MCM3AP: variants seen among roughly 807,000 people sequenced by gnomAD.
The protein encoded by MCM3AP is germinal-center associated nuclear protein.
In MCM3AP, 126 loss-of-function variants were observed where a neutral mutation model predicts 184.1. The observed-to-expected ratio is 0.68, with a 90% CI of 0.59 to 0.79. The LOEUF is 0.79. Among genes scored for constraint, MCM3AP ranks in the 30% least tolerant of loss-of-function variants. MCM3AP has a pLI of 0.00. For synonymous variants in MCM3AP, 1,002 were observed against 979.3 expected (o/e 1.02, Z -0.43); for missense variants, 2,496 against 2,479.2 (o/e 1.01, Z -0.14).
At chr21:46,263,520 A>C (rs537764072) in intron 13 of MCM3AP, among the ~76,000 whole-genome samples, 27 of 151,936 alleles carry the variant, frequency 1.8e-4, no homozygotes, top group South Asian at 1.7e-3. Context: ...GCAGTGGCTC[A>C]TGCCTGTAAT....
chr21:46,266,825 A>T (rs1365335403), intron 10 of MCM3AP, 157 bp downstream of exon 10: 2 of 756,918 alleles, frequency 2.6e-6, no homozygotes, highest in Non-Finnish European at 4.2e-6. Context: ...GACCTTGGGA[A>T]CACCCCCAGC....
chr21:46,257,659 G>A (rs938441079), intron 16 of MCM3AP, among the ~76,000 whole-genome samples: 1 of 151,826 alleles, frequency 6.6e-6, no homozygotes, highest in African/African-American at 2.4e-5. Context: ...GGTGGCTCAC[G>A]CCTGTAATCC....
At chr21:46,260,257 C>A (rs1238056270) in intron 15 of MCM3AP, among the ~76,000 whole-genome samples, 2 of 152,146 alleles carry the variant, frequency 1.3e-5, no homozygotes, top group East Asian at 1.9e-4. Flanking sequence ...AGAAATAAAC[C>A]TTTATCTTAA....
At chr21:46,261,458 G>C (rs2081040306) in intron 13 of MCM3AP, 47 bp from the exon 14 acceptor site, 6 of 1,596,118 alleles carry the variant, frequency 3.8e-6, no homozygotes, top group Non-Finnish European at 5.1e-6. Flanking sequence ...GTCAAGGCCG[G>C]GTGCGGTGGC....
Position 46,256,832 on chromosome 21 carries a change from G to A in MCM3AP, c.3889C>T (p.Leu1297=), listed in dbSNP as rs780180647. Residue 1297 remains leucine, a synonymous_variant, in exon 17 of 28, where the codon CTG becomes TTG. Transcript: ENST00000291688. ...AATCTCCCTGCATGGCCCAGGTCCA[G>A]GAGGCCCCTGGCCAGGTTCTCTTCA... ...IAEENLARGL[L]DLGHAGRLGI... is the part of the protein sequence containing the mutation. 2.6e-6 allele frequency: 4 copies of A among 1,567,212 alleles called. No homozygotes were observed. The Admixed American group carries it at 7.6e-5, about 30-fold the overall frequency.
chr21:46,240,998 G>A lies in MCM3AP; in HGVS notation c.5446C>T (p.His1816Tyr). The change falls in exon 26 of 28, where the codon CAT becomes TAT. Residue 1816 changes from histidine (H) to tyrosine (Y), a missense_variant. Around this residue, in one of 5 missense-constraint regions of MCM3AP, gnomAD observed 1,323 missense variants for 1,273.4 expected, o/e 1.04. Transcript: ENST00000291688. The stretch of plus-strand genomic sequence containing the variant: ...ATGGGAAAATTGTTTGCAGAAGGAT[G>A]AAAAGGCTTTATTGCCAAACTGTAA... ...REGRLAIKPF[H>Y]PSANNFPIPL... The A allele has an allele frequency of 6.2e-7, 1 of 1,613,464 alleles. No individual in the cohort carries two copies. Among genetic ancestry groups the A allele is most frequent in the Non-Finnish European group, 8.5e-7 (1 of 1,179,770 alleles).
chr21:46,239,901 A>T (rs1248894552), intron 26 of MCM3AP, among the ~76,000 whole-genome samples: 1 of 152,138 alleles, frequency 6.6e-6, no homozygotes, highest in African/African-American at 2.4e-5. Context: ...GGATGCTACC[A>T]AGGACTGGGA....
chr21:46,257,752 C>T (rs2080978943), intron 16 of MCM3AP, among the ~76,000 whole-genome samples: 1 of 151,806 alleles, frequency 6.6e-6, no homozygotes, highest in South Asian at 2.1e-4. Context: ...AACCCCATCT[C>T]TACTAAAAAT....
At chr21:46,260,984 C>T (rs537478996) in intron 14 of MCM3AP, 78 bp from the exon 15 acceptor site, 15 of 1,179,598 alleles carry the variant, frequency 1.3e-5, no homozygotes, top group African/African-American at 4.5e-5. Context: ...TCCCTGGCCA[C>T]GCAGACAGGG....
chr21:46,243,045 G>A lies in MCM3AP; in HGVS notation c.5297-114C>T, dbSNP rs17183283. 0.048 allele frequency: 46,137 copies of A among 962,146 alleles called. 1,796 individuals are homozygous for A. The highest frequency in any genetic ancestry group is 0.15 in the African/African-American group (8,928 of 60,140). The allele number at this position is 962,146 out of a possible 1,614,324, so 59.6% of individuals were successfully genotyped here. On this transcript the variant is annotated intron_variant, in intron 24 of 27. Transcript: ENST00000291688. ...CAGGTACAAATAATATTTAAACAGC[G>A]ACAGGTGGCATGTGCTTAAATTCAC...
intron 12 of MCM3AP, 52 bp downstream of exon 12, chr21:46,265,269 T>C (rs2145676395): frequency 2.6e-6 from 4 of 1,557,248 alleles, no homozygotes; most frequent in Non-Finnish European, 3.5e-6. Flanking sequence ...CTAAGGACGT[T>C]TGCGCACAAT....
intron 9 of MCM3AP, among the ~76,000 whole-genome samples, chr21:46,269,160 C>T (rs1358267577): frequency 6.6e-6 from 1 of 152,032 alleles, no homozygotes. Context: ...CCTCTGTTGC[C>T]CAGGCTGGAG....
At chr21:46,254,310 G>C in intron 19 of MCM3AP, 82 bp downstream of exon 19, 1 of 1,493,854 alleles carries the variant, frequency 6.7e-7, no homozygotes, top group Non-Finnish European at 9.3e-7. Flanking sequence ...TCACACATAA[G>C]AGGAATACCC....
intron 26 of MCM3AP, 105 bp downstream of exon 26, chr21:46,240,701 ACCTGC>A (rs943434508): frequency 1.4e-5 from 13 of 942,432 alleles, no homozygotes; most frequent in South Asian, 1.1e-4. Context: ...CTAATAATCC[ACCTGC>A]CCTTCTCCAT....
rs1230841763 is a variant in MCM3AP at position 46,280,045 on chromosome 21, G to A, written c.1615C>T (p.Pro539Ser). ...GTCCTCCCTGCGGCCTTGCCAAGAG[G>A]AGAGTGCTGAAAGGGTGCATCCTCT... Reference protein sequence around the residue: ...STEDAPFQHSPLGKAAGRTGA... With the variant: ...STEDAPFQHSSLGKAAGRTGA... Residue 539 changes from proline to serine, a missense_variant, in exon 4 of 28, where the codon CCT (proline) becomes TCT (serine). Coordinates refer to ENST00000291688, the MANE Select transcript of MCM3AP (RefSeq NM_003906.5). The A allele has an allele frequency of 1.2e-6, 2 of 1,614,190 alleles. No individual in the cohort carries two copies. Among genetic ancestry groups the A allele is most frequent in the South Asian group, 1.1e-5 (1 of 91,082 alleles).
rs573794482 is a variant in MCM3AP at position 46,244,186 on chromosome 21, G to A, written c.5039-464C>T. Among the ~76,000 whole-genome samples the A allele has an allele frequency of 3.0e-4, 45 of 152,366 alleles. No homozygotes were observed. In the South Asian group the frequency reaches 9.3e-3, roughly 32 times the overall value. ...GGGCGCCTGAGGCCCAAAGGGGAGT[G>A]TCTGTGCTAATGCCACAACTTCTGC... On this transcript the variant is annotated intron_variant, in intron 23 of 27. Coordinates refer to ENST00000291688, the MANE Select transcript of MCM3AP (RefSeq NM_003906.5).
intron 3 of MCM3AP, 72 bp downstream of exon 3, chr21:46,280,425 G>A (rs1202522347): frequency 8.7e-7 from 1 of 1,146,026 alleles, no homozygotes; most frequent in African/African-American, 1.6e-5. Flanking sequence ...GGGCAACATA[G>A]CGAGATCTCA....
In MCM3AP at chr21:46,284,571, T is replaced by C; in HGVS notation, c.716A>G (p.Lys239Arg). ...ATTATTAGAACTTCCAAATATTGAC[T>C]TAGGTCCTCTCTTCTCTTCCTCTAC... ...QNVEEEKRGPKSIFGSSNNSF... is the reference protein window; with the variant it reads ...QNVEEEKRGPRSIFGSSNNSF... Residue 239 changes from lysine (K) to arginine (R), a missense_variant, in exon 1 of 28, where the codon AAG becomes AGG. By Grantham distance (26) the Lys-to-Arg change is conservative. This residue lies in a region of MCM3AP where 800 missense variants were observed against 717.1 expected (regional missense o/e 1.12). Coordinates refer to ENST00000291688, the MANE Select transcript of MCM3AP (RefSeq NM_003906.5). 1 of 1,614,194 alleles carries C rather than the reference T, an allele frequency of 6.2e-7. No individual in the cohort carries two copies. Among genetic ancestry groups the C allele is most frequent in the Non-Finnish European group, 8.5e-7 (1 of 1,180,024 alleles).
At chr21:46,257,331 C>T (rs1049180461) in intron 16 of MCM3AP, among the ~76,000 whole-genome samples, 17 of 151,762 alleles carry the variant, frequency 1.1e-4, no homozygotes, top group African/African-American at 2.4e-4. Context: ...AAAAATTAGC[C>T]GGGCATGGTG....
Sources: allele counts gnomAD v4.1 joint callset (sites outside exome capture counted in the v4.1 genomes callset), GRCh38; gene constraint gnomAD v4.1.1; regional missense constraint gnomAD v4.1.1; transcripts MANE v1.5; gene names NCBI Gene and HGNC (gene_info 2026-07-23, HGNC 2026-07-21).